The following RAB38 variants were observed in gnomAD, a reference collection of about 807,000 sequenced individuals.
The protein encoded by RAB38 is ras-related protein Rab-38.
Under a neutral mutation model 18.4 loss-of-function variants are expected in RAB38, and 15 were observed. The ratio of observed to expected loss-of-function variants is 0.82; its 90% confidence interval spans 0.55 to 1.26. The LOEUF is 1.26. Among genes scored for constraint, RAB38 ranks in the 50% most tolerant of loss-of-function variants. The pLI is 0.00. For missense variants in RAB38, 294 were observed against 267.4 expected, an observed-to-expected ratio of 1.10 and a Z score of -0.69; for synonymous variants, 101 against 104.4, an observed-to-expected ratio of 0.97 and a Z score of 0.20.
At chr11:87,975,901 T>C in the RAB38 span, among the ~76,000 whole-genome samples, 1 of 151,504 alleles carries the variant, frequency 6.6e-6, no homozygotes, top group Non-Finnish European at 1.5e-5. Flanking sequence ...ATAGGGTATC[T>C]CACTAGAGAT....
downstream of RAB38, among the ~76,000 whole-genome samples, chr11:88,108,296 G>A (rs1942426473): frequency 6.6e-6 from 1 of 151,894 alleles, no homozygotes; most frequent in African/African-American, 2.4e-5. Context: ...TATAAATCTG[G>A]GTGTTCCTGT....
the RAB38 span, among the ~76,000 whole-genome samples, chr11:87,866,605 A>G: frequency 6.6e-6 from 1 of 151,354 alleles, no homozygotes; most frequent in African/African-American, 2.4e-5. Context: ...CCTGCTTTTC[A>G]TTTTTTCTTG....
chr11:87,879,829 C>T, the RAB38 span: 3 of 151,722 alleles, frequency 2.0e-5, no homozygotes, highest in East Asian at 5.9e-4. Context: ...GGTATCTCCT[C>T]ACATTGTAAA....
rs564131237 is a variant in RAB38 at position 88,121,860 on chromosome 11, C to T, written c.484-7720G>A. Among the ~76,000 whole-genome samples the T allele has an allele frequency of 9.3e-5, 14 of 150,658 alleles. No individual in the cohort carries two copies. In the South Asian group the frequency reaches 2.7e-3, roughly 30 times the overall value. The stretch of plus-strand genomic sequence containing the variant: ...TACAGGCGTGAGCTGCCGCGCCGGC[C>T]CAGAGCCCCTGCTCTTAACCCACTG... On this transcript the variant is annotated intron_variant, in intron 2 of 2. Coordinates refer to ENST00000243662, the MANE Select transcript of RAB38 (RefSeq NM_022337.3).
the RAB38 span, among the ~76,000 whole-genome samples, chr11:87,945,634 A>C: frequency 6.6e-6 from 1 of 152,294 alleles, no homozygotes; most frequent in African/African-American, 2.4e-5. Flanking sequence ...CATTCATAGT[A>C]TCATAAAAAT....
At chr11:88,111,845 G>A (rs941343346), downstream of RAB38, among the ~76,000 whole-genome samples, 7 of 152,314 alleles carry the variant, frequency 4.6e-5, no homozygotes, top group African/African-American at 1.7e-4. Flanking sequence ...AGAACACAAT[G>A]AGCTGGCAGA....
chr11:88,142,415 A>C (rs571208457), intron 2 of RAB38, among the ~76,000 whole-genome samples: 1 of 152,356 alleles, frequency 6.6e-6, no homozygotes, highest in East Asian at 1.9e-4. Flanking sequence ...AAAGTTGCAC[A>C]CATAATTTCA....
the RAB38 span, among the ~76,000 whole-genome samples, chr11:87,938,670 C>T: frequency 9.3e-6 from 1 of 107,462 alleles, no homozygotes; most frequent in Non-Finnish European, 1.7e-5. Context: ...TTTTGTTTGC[C>T]AGAAAAAAAA....
chr11:88,114,978 G>A (rs1362518451), intron 2 of RAB38, among the ~76,000 whole-genome samples: 2 of 152,110 alleles, frequency 1.3e-5, no homozygotes, highest in African/African-American at 4.8e-5. Flanking sequence ...AAGTAAAACT[G>A]GAAATATAAG....
chr11:87,851,004 T>C, the RAB38 span, among the ~76,000 whole-genome samples: 32 of 152,326 alleles, frequency 2.1e-4, no homozygotes, highest in Non-Finnish European at 4.3e-4. Flanking sequence ...ATTTCATGGT[T>C]ATGCCAATTA....
the RAB38 span, among the ~76,000 whole-genome samples, chr11:87,915,671 C>A: frequency 6.6e-6 from 1 of 152,106 alleles, no homozygotes; most frequent in East Asian, 1.9e-4. Flanking sequence ...AATGGACAAC[C>A]AGCGGCATGC....
In RAB38 at chr11:88,170,766, C is replaced by A. The variant is rs572962903; in HGVS notation, c.202+4417G>T. Among the ~76,000 whole-genome samples, 3 of 152,300 alleles carry A rather than the reference C, an allele frequency of 2.0e-5. No individual in the cohort carries two copies. In the East Asian group the frequency reaches 5.8e-4, roughly 29 times the overall value. Reference sequence around the variant, plus strand: ...GTATTTAGAGGCATTTGTTATTTAGCAGAGCTCTGCAGTCAAACTTTTACA... The same window carrying A: ...GTATTTAGAGGCATTTGTTATTTAGAAGAGCTCTGCAGTCAAACTTTTACA... On this transcript the variant is annotated intron_variant, in intron 1 of 2. Coordinates refer to ENST00000243662, the MANE Select transcript of RAB38 (RefSeq NM_022337.3).
At chr11:87,836,357 TC>T in the RAB38 span, among the ~76,000 whole-genome samples, 1 of 152,184 alleles carries the variant, frequency 6.6e-6, no homozygotes, top group Non-Finnish European at 1.5e-5. Context: ...AAAAGTTCTA[TC>T]TACCTGATTT....
the RAB38 span, among the ~76,000 whole-genome samples, chr11:87,912,762 C>CTTTTTTTTTTTTTTT: frequency 2.3e-5 from 2 of 86,536 alleles, no homozygotes; most frequent in Non-Finnish European, 4.6e-5. Context: ...AATTTTCTTT[C>CTTTTTTTTTTTTTTT]TTTCTTTTTT....
chr11:87,868,578 G>GTA, the RAB38 span, among the ~76,000 whole-genome samples: 2 of 59,190 alleles, frequency 3.4e-5, no homozygotes, highest in Non-Finnish European at 7.1e-5. Flanking sequence ...AAGGAGTGAG[G>GTA]GAGAGAGAGA....
chr11:88,135,521 T>C (rs1942825574), intron 2 of RAB38, among the ~76,000 whole-genome samples: 2 of 152,226 alleles, frequency 1.3e-5, no homozygotes, highest in African/African-American at 2.4e-5. Flanking sequence ...ATGCAAATGG[T>C]AGAGAAGATA....
the RAB38 span, among the ~76,000 whole-genome samples, chr11:87,961,924 A>AAT: frequency 6.6e-6 from 1 of 152,188 alleles, no homozygotes; most frequent in Non-Finnish European, 1.5e-5. Flanking sequence ...ACTGAGGATA[A>AAT]AAGAGGATCA....
chr11:87,881,293 G>A, the RAB38 span, among the ~76,000 whole-genome samples: 1 of 151,840 alleles, frequency 6.6e-6, no homozygotes, highest in African/African-American at 2.4e-5. Context: ...GTTGATTCAT[G>A]TTTTATCCGT....
At chr11:87,856,380 T>A in the RAB38 span, among the ~76,000 whole-genome samples, 2 of 152,188 alleles carry the variant, frequency 1.3e-5, no homozygotes, top group African/African-American at 4.8e-5. Context: ...TCTGAGTCTC[T>A]GAGTAACTGT....
Sources: gnomAD v4.1 joint callset for allele counts (sites outside exome capture counted in the v4.1 genomes callset) on GRCh38, gnomAD v4.1.1 for gene constraint, MANE v1.5 for transcripts, NCBI Gene and HGNC (gene_info 2026-07-23, HGNC 2026-07-21) for gene names.